HACD2: variants seen among roughly 807,000 people sequenced by gnomAD.
HACD2 encodes the protein 3-hydroxyacyl-CoA dehydratase 2.
HACD2 carries 15 observed loss-of-function variants against 31.0 expected under a neutral mutation model. The observed-to-expected ratio is 0.48, with a 90% CI of 0.32 to 0.75. The LOEUF is 0.75. Ranked by LOEUF, HACD2 falls within the 30% of genes least tolerant of loss-of-function variation. The pLI, the probability that HACD2 is intolerant of heterozygous loss-of-function variation, is 0.03. For synonymous variants in HACD2, 115 were observed against 122.2 expected, an observed-to-expected ratio of 0.94 and a Z score of 0.39; for missense variants, 283 against 313.0, an observed-to-expected ratio of 0.90 and a Z score of 0.72.
chr3:123,506,068 C>T (rs758876539), intron 4 of HACD2, among the ~76,000 whole-genome samples: 7 of 152,194 alleles, frequency 4.6e-5, no homozygotes, highest in Non-Finnish European at 1.0e-4. Flanking sequence ...ACAGGCAAGG[C>T]GTGAAACGCT....
At chr3:123,547,903 A>G (rs918242870) in intron 3 of HACD2, among the ~76,000 whole-genome samples, 1 of 152,130 alleles carries the variant, frequency 6.6e-6, no homozygotes, top group African/African-American at 2.4e-5. Flanking sequence ...ATTTTCCTCA[A>G]CGCATACATG....
At chr3:123,576,866 T>C (rs996598272) in intron 2 of HACD2, among the ~76,000 whole-genome samples, 1 of 152,190 alleles carries the variant, frequency 6.6e-6, no homozygotes, top group Non-Finnish European at 1.5e-5. Context: ...TGCTGTATTT[T>C]ATAGAAATAC....
intron 3 of HACD2, among the ~76,000 whole-genome samples, chr3:123,538,762 T>C (rs1419007635): frequency 2.6e-5 from 4 of 152,224 alleles, no homozygotes; most frequent in African/African-American, 9.6e-5. Context: ...GAATGAATGG[T>C]GGTCTTAGGT....
chr3:123,519,489 T>C (rs959573195), intron 4 of HACD2, among the ~76,000 whole-genome samples: 4 of 152,234 alleles, frequency 2.6e-5, no homozygotes, highest in Admixed American at 1.3e-4. Flanking sequence ...TGTATGGATA[T>C]TTCACAGGAG....
intron 1 of HACD2, 84 bp downstream of exon 1, chr3:123,584,789 G>T (rs1427343074): frequency 4.4e-6 from 5 of 1,137,170 alleles, no homozygotes; most frequent in Non-Finnish European, 5.9e-6. Context: ...GGCGGGCCGC[G>T]CCGATCCTAT....
At chr3:123,512,746 G>GT (rs2056079408) in intron 4 of HACD2, among the ~76,000 whole-genome samples, 1 of 152,222 alleles carries the variant, frequency 6.6e-6, no homozygotes, top group Non-Finnish European at 1.5e-5. Flanking sequence ...GTATTAGACT[G>GT]TGGTTGGAGG....
chr3:123,552,973 G>A (rs1270335031), intron 3 of HACD2, among the ~76,000 whole-genome samples: 1 of 152,082 alleles, frequency 6.6e-6, no homozygotes, highest in Non-Finnish European at 1.5e-5. Context: ...AGGAGGCAAA[G>A]AAGATCCAAC....
intron 3 of HACD2, among the ~76,000 whole-genome samples, chr3:123,542,258 T>C (rs1440127296): frequency 6.9e-6 from 1 of 145,566 alleles, no homozygotes; most frequent in Admixed American, 6.8e-5. Flanking sequence ...CACACAAAAA[T>C]GGCCACAATT....
intron 4 of HACD2, among the ~76,000 whole-genome samples, chr3:123,514,854 G>A (rs1183666443): frequency 6.6e-6 from 1 of 152,184 alleles, no homozygotes; most frequent in Non-Finnish European, 1.5e-5. Context: ...AATGATAAAA[G>A]TAATTATGCA....
At chr3:123,570,945 TAC>T (rs931351861) in intron 2 of HACD2, among the ~76,000 whole-genome samples, 3 of 98,866 alleles carry the variant, frequency 3.0e-5, no homozygotes, top group African/African-American at 6.7e-5. Context: ...CACACACACA[TAC>T]ACACACACAC....
chr3:123,558,993 T>C (rs2056699876), intron 3 of HACD2, among the ~76,000 whole-genome samples: 1 of 152,226 alleles, frequency 6.6e-6, no homozygotes, highest in African/African-American at 2.4e-5. Context: ...AGGTATCTTA[T>C]GCTTTACAAT....
intron 3 of HACD2, among the ~76,000 whole-genome samples, chr3:123,567,102 C>T (rs1189388858): frequency 6.6e-6 from 1 of 152,168 alleles, no homozygotes; most frequent in Non-Finnish European, 1.5e-5. Context: ...CTGGAGTGCA[C>T]AGCAATCACT....
Position 123,582,218 on chromosome 3 carries a change from T to C in HACD2, c.267A>G (p.Leu89=), listed in dbSNP as rs201451076. The C allele has an allele frequency of 4.3e-5, 68 of 1,579,320 alleles. No individual in the cohort carries two copies. The Middle Eastern group carries it at 5.1e-4, about 12-fold the overall frequency. Residue 89 remains leucine (L), a synonymous_variant, in exon 2 of 7, where the codon TTA becomes TTG. Coordinates refer to ENST00000383657, the MANE Select transcript of HACD2 (RefSeq NM_198402.5). Reference sequence around the variant, plus strand: ...AATAAATCTCAGGACCTACCTCCAATAAGGCTCCAGTTTGAAAGAATTTCA... The same window carrying C: ...AATAAATCTCAGGACCTACCTCCAACAAGGCTCCAGTTTGAAAGAATTTCA... ...KPLKFFQTGA[L]LEILHCAIGI...
chr3:123,543,743 C>T (rs1267277519), intron 3 of HACD2: 3 of 346,542 alleles, frequency 8.7e-6, no homozygotes, highest in African/African-American at 4.4e-5. Context: ...CAGACCAGGT[C>T]TAAAAGGAAA....
At chr3:123,566,569 C>T (rs910629965) in intron 3 of HACD2, among the ~76,000 whole-genome samples, 1 of 151,684 alleles carries the variant, frequency 6.6e-6, no homozygotes. Context: ...CAGGCATGAG[C>T]CACCACACCT....
At chr3:123,579,655 T>G (rs1249812580) in intron 2 of HACD2, among the ~76,000 whole-genome samples, 1 of 152,036 alleles carries the variant, frequency 6.6e-6, no homozygotes, top group Non-Finnish European at 1.5e-5. Context: ...CCCTTTAAAT[T>G]ATTGAAGTAT....
chr3:123,507,904 A>G (rs2055998501), intron 4 of HACD2, among the ~76,000 whole-genome samples: 1 of 152,078 alleles, frequency 6.6e-6, no homozygotes, highest in Non-Finnish European at 1.5e-5. Flanking sequence ...AAAGTTATTT[A>G]ATAAAAAAGT....
At chr3:123,550,771 G>A (rs967348768) in intron 3 of HACD2, among the ~76,000 whole-genome samples, 5 of 152,204 alleles carry the variant, frequency 3.3e-5, no homozygotes, top group African/African-American at 1.2e-4. Flanking sequence ...AGATGCAGGA[G>A]AAGGATGTGG....
intron 2 of HACD2, among the ~76,000 whole-genome samples, 153 bp downstream of exon 2, chr3:123,582,059 A>G (rs2056971688): frequency 6.6e-6 from 1 of 152,256 alleles, no homozygotes; most frequent in Non-Finnish European, 1.5e-5. Flanking sequence ...AGAACATCAA[A>G]AAGCCTAGGT....
Sources: allele counts gnomAD v4.1 joint callset (sites outside exome capture counted in the v4.1 genomes callset), GRCh38; gene constraint gnomAD v4.1.1; transcripts MANE v1.5; gene names NCBI Gene and HGNC (gene_info 2026-07-23, HGNC 2026-07-21).